PIP4K2A: variants seen among roughly 807,000 people sequenced by gnomAD.
PIP4K2A encodes the protein phosphatidylinositol-5-phosphate 4-kinase type 2 alpha.
PIP4K2A carries 14 observed loss-of-function variants against 42.9 expected under a neutral mutation model. The observed-to-expected ratio is 0.33, with a 90% CI of 0.22 to 0.51. The LOEUF (loss-of-function observed/expected upper bound fraction) is 0.51. PIP4K2A is among the 20% of genes least tolerant of loss of function. The pLI is 0.97. For missense variants in PIP4K2A, 434 were observed against 519.8 expected (o/e 0.83, Z 1.61); for synonymous variants, 192 against 192.2 (o/e 1.00, Z 0.01).
chr10:22,705,635 A>G (rs1212650745), intron 1 of PIP4K2A, among the ~76,000 whole-genome samples: 1 of 151,784 alleles, frequency 6.6e-6, no homozygotes, highest in Admixed American at 6.6e-5. Context: ...AGACTTAAAT[A>G]TGCTGACGAT....
rs571203006 is a variant in PIP4K2A, at chr10:22,547,106, A to C, written c.792+3553T>G. Among the ~76,000 whole-genome samples the C allele has an allele frequency of 9.8e-5, 15 of 152,292 alleles. 1 individual carries two copies. The highest frequency in any genetic ancestry group is 8.3e-4 in the South Asian group (4 of 4,828). ...TCTTCCTTGAGATCTTTACGAGTCT[A>C]AGACTATCCTTCACAATGGTTCTCA... is the stretch of plus-strand genomic sequence containing the variant. On this transcript the variant is annotated intron_variant, in intron 7 of 9. Transcript: ENST00000376573.
At chr10:22,583,378 C>T (rs898526906) in intron 4 of PIP4K2A, among the ~76,000 whole-genome samples, 6 of 152,158 alleles carry the variant, frequency 3.9e-5, no homozygotes, top group African/African-American at 1.2e-4. Context: ...GGAGCTGGGG[C>T]CTGAGTAGCC....
chr10:22,645,556 AAAAAAAAAAG>A (rs1838862016), intron 1 of PIP4K2A, among the ~76,000 whole-genome samples: 1 of 151,660 alleles, frequency 6.6e-6, no homozygotes, highest in Admixed American at 6.6e-5. Flanking sequence ...CTTTAAAAAA[AAAAAAAAAAG>A]AAAAGAAAAG....
At chr10:22,712,186 T>C (rs151178022) in intron 1 of PIP4K2A, among the ~76,000 whole-genome samples, 17 of 152,360 alleles carry the variant, frequency 1.1e-4, no homozygotes, top group African/African-American at 4.1e-4. Flanking sequence ...TCATACACTA[T>C]GAAACACTTA....
In PIP4K2A at chr10:22,537,030, G is replaced by A. The variant is rs1264184058; in HGVS notation, c.*171C>T. The stretch of plus-strand genomic sequence containing the variant: ...GCTAGAACGATGCTGGGAAAATCAG[G>A]TAGCTGTAAAGCGAGTAGCCCCCAA... On this transcript the variant is annotated 3_prime_UTR_variant, in exon 10 of 10. Transcript: ENST00000376573. The A allele has an allele frequency of 1.7e-6, 1 of 600,114 alleles. No homozygotes were observed. The highest frequency in any genetic ancestry group is 1.9e-5 in the African/African-American group (1 of 53,050). The allele number at this position is 600,114 out of a possible 1,614,324, so 37.2% of individuals were successfully genotyped here.
At chr10:22,661,777 T>C (rs1334152947) in intron 1 of PIP4K2A, 1 of 152,232 alleles carries the variant, frequency 6.6e-6, no homozygotes, top group African/African-American at 2.4e-5. Context: ...ATTGTTTGGA[T>C]GAATCAATCG....
intron 1 of PIP4K2A, among the ~76,000 whole-genome samples, chr10:22,711,679 G>A (rs374799280): frequency 1.2e-4 from 18 of 152,320 alleles, no homozygotes; most frequent in East Asian, 3.9e-4. Flanking sequence ...GAAGATGCTC[G>A]TATACAACAC....
intron 7 of PIP4K2A, among the ~76,000 whole-genome samples, chr10:22,549,902 C>CT (rs1036637603): frequency 2.7e-5 from 4 of 146,782 alleles, no homozygotes; most frequent in Non-Finnish European, 6.0e-5. Context: ...CCTTTTTTTC[C>CT]TTTTTTCCTG....
intron 1 of PIP4K2A, among the ~76,000 whole-genome samples, chr10:22,666,808 A>G (rs985156345): frequency 6.6e-6 from 1 of 152,162 alleles, no homozygotes; most frequent in Non-Finnish European, 1.5e-5. Flanking sequence ...ACATTTTCCC[A>G]TTACATTTGT....
At chr10:22,573,713 A>T (rs1318956319) in intron 4 of PIP4K2A, among the ~76,000 whole-genome samples, 1 of 152,192 alleles carries the variant, frequency 6.6e-6, no homozygotes, top group Non-Finnish European at 1.5e-5. Flanking sequence ...GTATGGTCAA[A>T]CCTTGGATAT....
At position 22,536,983 on chromosome 10, in the gene PIP4K2A, C is replaced by CAT. The variant is rs1491006528; in HGVS notation, c.*216_*217dup. On this transcript the variant is annotated 3_prime_UTR_variant, in exon 10 of 10. Transcript: ENST00000376573. ...CCCCCCCCCAACACACACACACACA[C>CAT]ATATACACAAAGTCAGAAATAGCTA... 3.1e-5 allele frequency: 13 copies of CAT among 415,174 alleles called. No individual in the cohort carries two copies. Among genetic ancestry groups the CAT allele is most frequent in the African/African-American group, 2.9e-4 (12 of 42,092 alleles). The allele number at this position is 415,174 out of a possible 1,614,324, so 25.7% of individuals were successfully genotyped here. A position where few individuals can be genotyped will look rare whatever the true frequency, so the allele number is the denominator to read the frequency against.
chr10:22,592,670 C>T (rs902828318), intron 3 of PIP4K2A, among the ~76,000 whole-genome samples: 1 of 152,186 alleles, frequency 6.6e-6, no homozygotes, highest in Admixed American at 6.5e-5. Flanking sequence ...GTGACTCTTC[C>T]GTTCAGATCT....
chr10:22,562,823 A>T (rs1836744957), intron 6 of PIP4K2A, among the ~76,000 whole-genome samples: 1 of 151,958 alleles, frequency 6.6e-6, no homozygotes, highest in Admixed American at 6.6e-5. Flanking sequence ...CAGCTAAGAC[A>T]CCCTGTGCAC....
intron 7 of PIP4K2A, among the ~76,000 whole-genome samples, chr10:22,546,549 C>T (rs1028237837): frequency 3.9e-4 from 60 of 152,232 alleles, no homozygotes; most frequent in African/African-American, 1.3e-3. Context: ...GTAGCTAGGA[C>T]CACAGGCATG....
At chr10:22,690,822 G>T (rs1041224459) in intron 1 of PIP4K2A, among the ~76,000 whole-genome samples, 1 of 152,168 alleles carries the variant, frequency 6.6e-6, no homozygotes, top group African/African-American at 2.4e-5. Flanking sequence ...TAATTATTAT[G>T]CAATGCTGCA....
chr10:22,664,065 A>G (rs1433302496), intron 1 of PIP4K2A, among the ~76,000 whole-genome samples: 3 of 86,410 alleles, frequency 3.5e-5, no homozygotes, highest in East Asian at 2.4e-4. Context: ...ATATATACAT[A>G]TATATATATA....
chr10:22,689,998 A>T (rs886274215), intron 1 of PIP4K2A, among the ~76,000 whole-genome samples: 1 of 152,090 alleles, frequency 6.6e-6, no homozygotes. Flanking sequence ...GGAAAAAAAA[A>T]TCCTTATAAC....
At chr10:22,651,841 T>G (rs1430790803) in intron 1 of PIP4K2A, among the ~76,000 whole-genome samples, 1 of 152,178 alleles carries the variant, frequency 6.6e-6, no homozygotes, top group Non-Finnish European at 1.5e-5. Flanking sequence ...CTGTGCTGCT[T>G]TGGCTGGGGA....
At chr10:22,684,043 A>T (rs946455993) in intron 1 of PIP4K2A, among the ~76,000 whole-genome samples, 1 of 152,118 alleles carries the variant, frequency 6.6e-6, no homozygotes, top group African/African-American at 2.4e-5. Flanking sequence ...CCTGGAGCCC[A>T]TTACTTTGTG....
Sources: allele counts gnomAD v4.1 joint callset (sites outside exome capture counted in the v4.1 genomes callset), GRCh38; gene constraint gnomAD v4.1.1; transcripts MANE v1.5; gene names NCBI Gene and HGNC (gene_info 2026-07-23, HGNC 2026-07-21).